The following OLFML1 variants were observed in gnomAD, a reference collection of about 807,000 sequenced individuals.
OLFML1 encodes olfactomedin like 1, also known as olfactomedin-like protein 1.
Under a neutral mutation model 37.3 loss-of-function variants are expected in OLFML1, and 33 were observed. The observed-to-expected ratio is 0.88, with a 90% CI of 0.67 to 1.18. The LOEUF is 1.18. Ranked by LOEUF, OLFML1 falls within the 50% of genes most tolerant of loss-of-function variation. The pLI, the probability that OLFML1 is intolerant of heterozygous loss-of-function variation, is 0.00. For missense variants in OLFML1, 545 were observed against 483.7 expected (o/e 1.13, Z -1.19); for synonymous variants, 186 against 181.3 (o/e 1.03, Z -0.21).
intron 2 of OLFML1, among the ~76,000 whole-genome samples, chr11:7,495,161 C>A (rs1848647378): frequency 6.6e-6 from 1 of 152,130 alleles, no homozygotes; most frequent in Non-Finnish European, 1.5e-5. Context: ...CTGCACTGCT[C>A]TCTCACCATC....
chr11:7,503,499 G>A (rs1848747351), intron 2 of OLFML1, among the ~76,000 whole-genome samples: 2 of 152,208 alleles, frequency 1.3e-5, no homozygotes, highest in Non-Finnish European at 2.9e-5. Flanking sequence ...GAGGCTGCCG[G>A]TGACCTTGAC....
intron 2 of OLFML1, 62 bp downstream of exon 2, chr11:7,488,477 C>A: frequency 7.5e-7 from 1 of 1,337,068 alleles, no homozygotes; most frequent in Non-Finnish European, 1.0e-6. Flanking sequence ...AACACACAGA[C>A]TCAGAGCAGT....
chr11:7,495,341 C>A (rs186145946), intron 2 of OLFML1, among the ~76,000 whole-genome samples: 6,770 of 152,166 alleles, frequency 0.044, 217 homozygotes, highest in Non-Finnish European at 0.072. Context: ...GCAACCCCCC[C>A]AAAAATAACA....
At chr11:7,494,333 G>C (rs1030162343) in intron 2 of OLFML1, among the ~76,000 whole-genome samples, 30 of 152,160 alleles carry the variant, frequency 2.0e-4, no homozygotes, top group Non-Finnish European at 3.8e-4. Context: ...AGAATAATGT[G>C]AACAATGGCA....
chr11:7,502,229 A>G (rs1848732072), intron 2 of OLFML1, among the ~76,000 whole-genome samples: 1 of 152,236 alleles, frequency 6.6e-6, no homozygotes, highest in African/African-American at 2.4e-5. Flanking sequence ...GCAGGATCTG[A>G]AGACAACCAA....
intron 2 of OLFML1, among the ~76,000 whole-genome samples, chr11:7,492,273 C>T (rs1362478217): frequency 1.3e-5 from 2 of 152,208 alleles, no homozygotes; most frequent in Non-Finnish European, 2.9e-5. Context: ...GTGCCAGTTA[C>T]AGACCTTCCA....
chr11:7,509,696 T>C lies in OLFML1; in HGVS notation c.717T>C (p.Tyr239=). ...CAACTTCTAATGAGATAATCAAATA[T>C]AACCTGCAGAAGAGGACTGTGGAAG... ...NQATSNEIIK[Y]NLQKRTVEDR... is the part of the protein sequence containing the mutation. The change falls in exon 3 of 3, where the codon TAT becomes TAC. Residue 239 remains tyrosine, a synonymous_variant. Transcript: ENST00000329293. The C allele has an allele frequency of 6.2e-7, 1 of 1,614,200 alleles. No homozygotes were observed. Among genetic ancestry groups the C allele is most frequent in the Non-Finnish European group, 8.5e-7 (1 of 1,180,032 alleles).
At position 7,509,439 on chromosome 11, in the gene OLFML1, G is replaced by T. The variant is rs758020686; in HGVS notation, c.460G>T (p.Val154Leu). ...MLMGIKSLKI[V>L]KKMMDTHGSW... The stretch of plus-strand genomic sequence containing the variant: ...GATGGGCATAAAGTCTTTGAAAATA[G>T]TGAAGAAGATGATGGACACACATGG... The change falls in exon 3 of 3, where the codon GTG (valine) becomes TTG (leucine). Residue 154 changes from valine (V) to leucine (L), a missense_variant. Val to Leu is a conservative substitution (Grantham distance 32). Coordinates refer to ENST00000329293, the MANE Select transcript of OLFML1 (RefSeq NM_198474.4). 1 of 1,613,608 alleles carries T rather than the reference G, an allele frequency of 6.2e-7. No homozygotes were observed. The highest frequency in any genetic ancestry group is 8.5e-7 in the Non-Finnish European group (1 of 1,179,710).
intron 2 of OLFML1, among the ~76,000 whole-genome samples, chr11:7,494,762 G>A (rs1242464804): frequency 1.3e-5 from 2 of 152,218 alleles, no homozygotes; most frequent in Non-Finnish European, 2.9e-5. Context: ...GGAGGCACAT[G>A]AGGTAGGAGC....
At chr11:7,502,302 G>T (rs1047894269) in intron 2 of OLFML1, among the ~76,000 whole-genome samples, 8 of 152,164 alleles carry the variant, frequency 5.3e-5, no homozygotes, top group African/African-American at 1.4e-4. Context: ...AGAAAGGCAG[G>T]GGCCACATTA....
Position 7,488,290 on chromosome 11 carries a change from A to T in OLFML1, c.293A>T (p.Glu98Val). The part of the protein sequence containing the change: ...LALRVERAQR[E>V]IDYIQYLREA... ...CTGAGAGTTGAACGTGCCCAACGGGAGATTGACTACATACAATACCTTCGA... is the reference window on the plus strand; with the variant it reads ...CTGAGAGTTGAACGTGCCCAACGGGTGATTGACTACATACAATACCTTCGA... Residue 98 changes from glutamate to valine, a missense_variant, in exon 2 of 3, where the codon GAG (glutamate) becomes GTG (valine). Coordinates refer to ENST00000329293, the MANE Select transcript of OLFML1 (RefSeq NM_198474.4). 3.1e-6 allele frequency: 5 copies of T among 1,614,108 alleles called. No individual in the cohort carries two copies. The highest frequency in any genetic ancestry group is 4.2e-6 in the Non-Finnish European group (5 of 1,180,004).
chr11:7,504,422 G>A lies in OLFML1; in HGVS notation c.419-4976G>A, dbSNP rs138766438. On this transcript the variant is annotated intron_variant, in intron 2 of 2. Transcript: ENST00000329293. ...CTGAGCTTTATCCATTTCACTCTGAGTGAAATGAGAAGCCAATGGAGGGTT... is the reference window on the plus strand; with the variant it reads ...CTGAGCTTTATCCATTTCACTCTGAATGAAATGAGAAGCCAATGGAGGGTT... Among the ~76,000 whole-genome samples the A allele has an allele frequency of 4.7e-3, 717 of 152,162 alleles. 5 individuals carry two copies. Among genetic ancestry groups the A allele is most frequent in the African/African-American group, 0.016 (672 of 41,520 alleles).
chr11:7,486,777 C>G (rs1005968324), intron 1 of OLFML1, among the ~76,000 whole-genome samples: 1 of 152,220 alleles, frequency 6.6e-6, no homozygotes, highest in Non-Finnish European at 1.5e-5. Context: ...CAAAGACCCT[C>G]TTATTGCTAA....
chr11:7,487,568 G>A (rs913503456), intron 1 of OLFML1, among the ~76,000 whole-genome samples: 1 of 152,168 alleles, frequency 6.6e-6, no homozygotes, highest in Non-Finnish European at 1.5e-5. Context: ...GCTTGGCCCT[G>A]TGCCAAGTGC....
chr11:7,505,029 G>A (rs1488859282), intron 2 of OLFML1, among the ~76,000 whole-genome samples: 1 of 150,824 alleles, frequency 6.6e-6, no homozygotes, highest in Non-Finnish European at 1.5e-5. Context: ...CTGAGTGCAT[G>A]TGACCCTCCT....
At chr11:7,486,401 C>T (rs1229591026) in intron 1 of OLFML1, among the ~76,000 whole-genome samples, 4 of 152,110 alleles carry the variant, frequency 2.6e-5, no homozygotes, top group South Asian at 2.1e-4. Flanking sequence ...ATGTTGGTTA[C>T]TTTTTCTTCA....
intron 2 of OLFML1, among the ~76,000 whole-genome samples, chr11:7,494,368 T>C (rs1037564257): frequency 6.6e-6 from 1 of 152,248 alleles, no homozygotes; most frequent in African/African-American, 2.4e-5. Context: ...ATGCGTATTA[T>C]GTACCACACA....
In OLFML1 at chr11:7,487,366, T is replaced by C. The variant is rs74913096; in HGVS notation, c.130-761T>C. On this transcript the variant is annotated intron_variant, in intron 1 of 2. Coordinates refer to ENST00000329293, the MANE Select transcript of OLFML1 (RefSeq NM_198474.4). ...TTTAGGGAATTATTTTGGGTCTCTC[T>C]TTCTGTCTTTCTCCCTTCAAAATAA... Among the ~76,000 whole-genome samples, 943 of 152,346 alleles carry C rather than the reference T, an allele frequency of 6.2e-3. 12 individuals are homozygous for C. The highest frequency in any genetic ancestry group is 0.021 in the African/African-American group (894 of 41,584).
intron 2 of OLFML1, among the ~76,000 whole-genome samples, chr11:7,489,127 A>G (rs1050750146): frequency 3.3e-5 from 5 of 152,196 alleles, no homozygotes; most frequent in African/African-American, 1.2e-4. Flanking sequence ...GGAAGACTTT[A>G]TTTACATGCT....
Sources: allele counts gnomAD v4.1 joint callset (sites outside exome capture counted in the v4.1 genomes callset), GRCh38; gene constraint gnomAD v4.1.1; transcripts MANE v1.5; gene names NCBI Gene and HGNC (gene_info 2026-07-23, HGNC 2026-07-21).